UGT8: variants seen among roughly 807,000 people sequenced by gnomAD.
UGT8 encodes the protein UDP glycosyltransferase 8.
UGT8 carries 12 observed loss-of-function variants against 40.5 expected under a neutral mutation model. That is an observed-to-expected ratio of 0.30 (90% CI 0.19 to 0.48). UGT8 has a LOEUF of 0.48. Ranked by LOEUF, UGT8 falls within the 20% of genes least tolerant of loss-of-function variation. UGT8 has a pLI of 0.99. For synonymous variants in UGT8, 224 were observed against 240.4 expected (o/e 0.93, Z 0.63); for missense variants, 513 against 648.7 (o/e 0.79, Z 2.27).
chr4:114,623,152 G>A lies in UGT8; in HGVS notation c.272G>A (p.Arg91Gln), dbSNP rs374700060. 5.1e-5 allele frequency: 83 copies of A among 1,613,854 alleles called. No homozygotes were observed. Among genetic ancestry groups the A allele is most frequent in the African/African-American group, 6.7e-5 (5 of 74,834 alleles). Residue 91 changes from arginine (R) to glutamine (Q), a missense_variant, in exon 2 of 6, where the codon CGG (arginine) becomes CAG (glutamine). Arg to Gln is a conservative substitution (Grantham distance 43). Coordinates refer to ENST00000310836, the MANE Select transcript of UGT8 (RefSeq NM_001128174.3). ...TSDAFLQSKM[R>Q]NIFSGRLTAI... The stretch of plus-strand genomic sequence containing the variant: ...GATGCTTTCCTACAGTCCAAGATGC[G>A]GAATATTTTCTCTGGGAGATTGACA...
chr4:114,654,866 G>A (rs939327123), intron 2 of UGT8, among the ~76,000 whole-genome samples: 12 of 152,040 alleles, frequency 7.9e-5, no homozygotes, highest in Non-Finnish European at 1.5e-5. Flanking sequence ...TCTTGATGGG[G>A]ACTTTCTGAA....
At chr4:114,606,409 TG>T (rs1355983491) in intron 1 of UGT8, among the ~76,000 whole-genome samples, 4 of 152,156 alleles carry the variant, frequency 2.6e-5, no homozygotes, top group Non-Finnish European at 5.9e-5. Context: ...GCCCTTCCTC[TG>T]GGTTCTCTTT....
intron 5 of UGT8, 22 bp from the exon 6 acceptor site, chr4:114,675,903 G>C: frequency 6.3e-7 from 1 of 1,582,230 alleles, no homozygotes; most frequent in Non-Finnish European, 8.6e-7. Context: ...TCATCATTCT[G>C]TGTTTTGTCC....
rs1354736740 is a variant in UGT8 at position 114,676,196 on chromosome 4, C to T, written c.1534C>T (p.His512Tyr). 1.2e-6 allele frequency: 2 copies of T among 1,613,950 alleles called. No homozygotes were observed. Among genetic ancestry groups the T allele is most frequent in the African/African-American group, 2.7e-5 (2 of 74,884 alleles). Residue 512 changes from histidine (H) to tyrosine (Y), a missense_variant, in exon 6 of 6, where the codon CAT becomes TAT. Physicochemically the swap from His to Tyr is moderately conservative, Grantham distance 83 (BLOSUM62 2). Around this residue, in one of 3 missense-constraint regions of UGT8, gnomAD observed 175 missense variants for 186.7 expected, o/e 0.94. Coordinates refer to ENST00000310836, the MANE Select transcript of UGT8 (RefSeq NM_001128174.3). Reference protein sequence around the residue: ...KIKSLWSRNKHSTVNGHYHNG... With the variant: ...KIKSLWSRNKYSTVNGHYHNG... The stretch of plus-strand genomic sequence containing the variant: ...CAAAAGTCTGTGGTCTAGAAATAAG[C>T]ATAGCACAGTTAATGGACATTACCA...
At chr4:114,621,661 A>AT (rs1731799627) in intron 1 of UGT8, among the ~76,000 whole-genome samples, 1 of 152,208 alleles carries the variant, frequency 6.6e-6, no homozygotes, top group Non-Finnish European at 1.5e-5. Context: ...CAATTAGAAG[A>AT]TGAACAGATG....
Position 114,632,419 on chromosome 4 carries a change from G to C in UGT8, c.822+8717G>C, listed in dbSNP as rs78489354. Reference sequence around the variant, plus strand: ...AGAAAAATTATGGTGTTCAAATGCAGGAGGGGAAACTTAAGACCACGTGGT... The same window carrying C: ...AGAAAAATTATGGTGTTCAAATGCACGAGGGGAAACTTAAGACCACGTGGT... On this transcript the variant is annotated intron_variant, in intron 2 of 5. Coordinates refer to ENST00000310836, the MANE Select transcript of UGT8 (RefSeq NM_001128174.3). Among the ~76,000 whole-genome samples the C allele has an allele frequency of 3.1e-4, 47 of 152,252 alleles. No individual in the cohort carries two copies. The East Asian group carries it at 8.9e-3, about 29-fold the overall frequency.
intron 1 of UGT8, among the ~76,000 whole-genome samples, chr4:114,603,618 A>G (rs1236906816): frequency 6.6e-6 from 1 of 152,182 alleles, no homozygotes; most frequent in Non-Finnish European, 1.5e-5. Context: ...AGGTACTGAA[A>G]TGAGGGGGTG....
intron 2 of UGT8, among the ~76,000 whole-genome samples, chr4:114,624,084 A>G (rs1197772248): frequency 6.6e-6 from 1 of 152,236 alleles, no homozygotes; most frequent in Admixed American, 6.5e-5. Flanking sequence ...AAATAGCACA[A>G]TTAACAGGTA....
chr4:114,599,660 TAG>T (rs1730321543), intron 1 of UGT8, among the ~76,000 whole-genome samples: 1 of 152,096 alleles, frequency 6.6e-6, no homozygotes, highest in Admixed American at 6.5e-5. Context: ...GCCCTTGCAT[TAG>T]AGAAGCCTGT....
At chr4:114,640,722 T>C (rs1432099356) in intron 2 of UGT8, among the ~76,000 whole-genome samples, 2 of 152,156 alleles carry the variant, frequency 1.3e-5, no homozygotes, top group African/African-American at 4.8e-5. Context: ...CTTACATGAA[T>C]GGTGGCAGGC....
intron 2 of UGT8, among the ~76,000 whole-genome samples, chr4:114,643,963 C>T (rs1385777631): frequency 6.6e-6 from 1 of 152,066 alleles, no homozygotes; most frequent in East Asian, 1.9e-4. Flanking sequence ...ATTGCTGTGA[C>T]CTCGCGTGTG....
At chr4:114,655,067 T>G (rs1056995965) in intron 2 of UGT8, among the ~76,000 whole-genome samples, 47 of 140,612 alleles carry the variant, frequency 3.3e-4, no homozygotes, top group African/African-American at 1.0e-3. Flanking sequence ...TTGTTTTTTG[T>G]TTTTTTTTTT....
chr4:114,633,824 A>C (rs1732724227), intron 2 of UGT8, among the ~76,000 whole-genome samples: 1 of 152,070 alleles, frequency 6.6e-6, no homozygotes, highest in Non-Finnish European at 1.5e-5. Flanking sequence ...TGTGCCTGTA[A>C]TCCCAGCTAC....
intron 1 of UGT8, among the ~76,000 whole-genome samples, chr4:114,609,619 G>A (rs1045125422): frequency 6.6e-6 from 1 of 152,128 alleles, no homozygotes; most frequent in Non-Finnish European, 1.5e-5. Flanking sequence ...ACAAATTTGT[G>A]TGGGGGAGGG....
In UGT8 at chr4:114,623,001, C is replaced by G. The variant is rs753818310; in HGVS notation, c.121C>G (p.Leu41Val). Residue 41 changes from leucine (L) to valine (V), a missense_variant, in exon 2 of 6, where the codon CTA becomes GTA. This residue lies in a region of UGT8 where 335 missense variants were observed against 444.8 expected (regional missense o/e 0.75). Transcript: ENST00000310836. ...FESHMYIFKT[L>V]ASALHERGHH... The stretch of plus-strand genomic sequence containing the variant: ...AAGCCATATGTACATTTTCAAGACG[C>G]TAGCCTCAGCCTTGCACGAGAGAGG... 6.2e-7 allele frequency: 1 copy of G among 1,614,126 alleles called. No homozygotes were observed. Among genetic ancestry groups the G allele is most frequent in the Non-Finnish European group, 8.5e-7 (1 of 1,180,008 alleles).
At chr4:114,659,402 A>G (rs570773829) in intron 2 of UGT8, among the ~76,000 whole-genome samples, 1 of 152,330 alleles carries the variant, frequency 6.6e-6, no homozygotes, top group East Asian at 1.9e-4. Context: ...GGAATTATTC[A>G]TTCTGATATA....
chr4:114,675,181 T>G (rs568040724), intron 5 of UGT8, among the ~76,000 whole-genome samples: 1 of 152,316 alleles, frequency 6.6e-6, no homozygotes, highest in East Asian at 1.9e-4. Flanking sequence ...TATTATTGCT[T>G]AAAAAGTGAT....
chr4:114,614,174 A>T (rs576844835), intron 1 of UGT8, among the ~76,000 whole-genome samples: 1 of 152,286 alleles, frequency 6.6e-6, no homozygotes, highest in South Asian at 2.1e-4. Flanking sequence ...AACTGCAGAT[A>T]CTTGTGTTGA....
At chr4:114,647,449 T>C (rs1381078523) in intron 2 of UGT8, among the ~76,000 whole-genome samples, 1 of 151,334 alleles carries the variant, frequency 6.6e-6, no homozygotes, top group Non-Finnish European at 1.5e-5. Flanking sequence ...CACTGCAGCC[T>C]CAGTCTCCCA....
Sources: gnomAD v4.1 joint callset for allele counts (sites outside exome capture counted in the v4.1 genomes callset) on GRCh38, gnomAD v4.1.1 for gene constraint, gnomAD v4.1.1 regional missense constraint, MANE v1.5 for transcripts, NCBI Gene and HGNC (gene_info 2026-07-23, HGNC 2026-07-21) for gene names.